ANK3: variants seen among roughly 807,000 people sequenced by gnomAD.
The protein encoded by ANK3 is ankyrin-3.
A neutral mutation model predicts 370.9 loss-of-function variants in ANK3; 57 were observed. That is an observed-to-expected ratio of 0.15 (90% CI 0.12 to 0.19). The LOEUF is 0.19. ANK3 is among the 10% of genes least tolerant of loss of function. ANK3 has a pLI of 1.00. For synonymous variants in ANK3, 1,929 were observed against 1,946.3 expected, an observed-to-expected ratio of 0.99 and a Z score of 0.23; for missense variants, 4,439 against 5,302.1, an observed-to-expected ratio of 0.84 and a Z score of 5.06.
chr10:60,282,176 T>C (rs2098173062), intron 1 of ANK3, among the ~76,000 whole-genome samples: 1 of 152,154 alleles, frequency 6.6e-6, no homozygotes, highest in African/African-American at 2.4e-5. Context: ...TGCCTGGATA[T>C]TTCAACTGCC....
intron 17 of ANK3, among the ~76,000 whole-genome samples, chr10:60,182,695 A>T (rs1418176074): frequency 1.3e-5 from 2 of 152,152 alleles, no homozygotes; most frequent in African/African-American, 2.4e-5. Context: ...AACATTATTT[A>T]TTCAGGGGTT....
At chr10:60,543,320 C>T (rs1207335617) in intron 2 of ANK3, among the ~76,000 whole-genome samples, 1 of 151,930 alleles carries the variant, frequency 6.6e-6, no homozygotes, top group Non-Finnish European at 1.5e-5. Flanking sequence ...ATGTATACCA[C>T]AGAAACATTG....
chr10:60,351,465 A>G (rs1255443471), intron 1 of ANK3, among the ~76,000 whole-genome samples: 1 of 152,216 alleles, frequency 6.6e-6, no homozygotes, highest in Non-Finnish European at 1.5e-5. Flanking sequence ...CAAGTCTAGA[A>G]TTATTCACTT....
chr10:60,513,581 G>C (rs913907236), intron 2 of ANK3, among the ~76,000 whole-genome samples: 21 of 152,140 alleles, frequency 1.4e-4, no homozygotes, highest in African/African-American at 4.8e-4. Context: ...GAAAAGGTTG[G>C]TAAAATATGA....
chr10:60,467,028 T>G lies in ANK3; in HGVS notation c.96+148158A>C, dbSNP rs141618736. On this transcript the variant is annotated intron_variant, in intron 2 of 43. Coordinates refer to the ANK3 transcript ENST00000373827. Reference sequence around the variant, plus strand: ...CGGTGACACAACTCTGTAAACATACTAAAAACCACTGAATTGTATATTTTA... The same window carrying G: ...CGGTGACACAACTCTGTAAACATACGAAAAACCACTGAATTGTATATTTTA... 4.0e-3 allele frequency among the ~76,000 whole-genome samples: 614 copies of G among 152,222 alleles called. 5 individuals are homozygous for G. The highest frequency in any genetic ancestry group is 0.014 in the African/African-American group (571 of 41,552).
At chr10:60,049,591 A>C (rs899658924) in intron 42 of ANK3, among the ~76,000 whole-genome samples, 1 of 152,200 alleles carries the variant, frequency 6.6e-6, no homozygotes, top group African/African-American at 2.4e-5. Context: ...GTCTCAAAAA[A>C]AAAGTATTTG....
chr10:60,111,718 A>G (rs1248511750), intron 26 of ANK3: 2 of 453,778 alleles, frequency 4.4e-6, no homozygotes, highest in Admixed American at 4.7e-5. Context: ...GTTCACATAA[A>G]GGACACAGTT....
At position 60,179,997 on chromosome 10, in the gene ANK3, G is replaced by GTC. The variant is rs745311675; in HGVS notation, c.2184+1330_2184+1331dup. On this transcript the variant is annotated intron_variant, in intron 18 of 43. Coordinates refer to ENST00000280772, the MANE Select transcript of ANK3 (RefSeq NM_020987.5). ...AGAACCTAAGAAAGTGTTTAAGTCT[G>GTC]TCTCTCTCTCTCTCTGTGTGTGAAT... Among the ~76,000 whole-genome samples the GTC allele has an allele frequency of 4.4e-3, 667 of 150,376 alleles. 2 individuals carry two copies. The highest frequency in any genetic ancestry group is 6.6e-3 in the Non-Finnish European group (445 of 67,780).
chr10:60,580,227 A>G (rs1370574417), intron 2 of ANK3, among the ~76,000 whole-genome samples: 1 of 152,234 alleles, frequency 6.6e-6, no homozygotes, highest in Non-Finnish European at 1.5e-5. Flanking sequence ...ATCAATGAGG[A>G]TGGACTTATT....
At chr10:60,142,973 T>C (rs1446021299) in intron 23 of ANK3, among the ~76,000 whole-genome samples, 1 of 152,160 alleles carries the variant, frequency 6.6e-6, no homozygotes, top group African/African-American at 2.4e-5. Flanking sequence ...GGGTAATAAG[T>C]CTGCCTCTAC....
At chr10:60,286,393 T>G (rs538115505) in intron 1 of ANK3, among the ~76,000 whole-genome samples, 1 of 152,298 alleles carries the variant, frequency 6.6e-6, no homozygotes, top group South Asian at 2.1e-4. Context: ...TTTCTTAGAG[T>G]CATCCATGTT....
At chr10:60,583,634 G>T (rs2077789657) in intron 2 of ANK3, among the ~76,000 whole-genome samples, 1 of 151,356 alleles carries the variant, frequency 6.6e-6, no homozygotes, top group African/African-American at 2.4e-5. Context: ...TGTCACCCAG[G>T]TTGCAGTGGC....
chr10:60,360,678 T>C (rs2132733542), intron 1 of ANK3, among the ~76,000 whole-genome samples: 1 of 152,224 alleles, frequency 6.6e-6, no homozygotes, highest in South Asian at 2.1e-4. Flanking sequence ...CCAGCCTGGG[T>C]GACAGTGAGA....
intron 1 of ANK3, 80 bp downstream of exon 1, chr10:60,389,345 T>C: frequency 1.5e-6 from 2 of 1,354,600 alleles, no homozygotes; most frequent in Non-Finnish European, 2.1e-6. Context: ...AAATAACCCT[T>C]AATGCTTCTA....
chr10:60,497,283 G>A (rs1003589943), intron 2 of ANK3, among the ~76,000 whole-genome samples: 1 of 152,098 alleles, frequency 6.6e-6, no homozygotes, highest in Non-Finnish European at 1.5e-5. Context: ...GTGAGACCCT[G>A]TCTTTAAAAA....
intron 1 of ANK3, among the ~76,000 whole-genome samples, chr10:60,709,536 C>T (rs926886800): frequency 6.6e-6 from 1 of 151,980 alleles, no homozygotes; most frequent in Non-Finnish European, 1.5e-5. Context: ...TATATTCTTA[C>T]AGTAAGATAG....
intron 2 of ANK3, among the ~76,000 whole-genome samples, chr10:60,397,049 A>T (rs553326214): frequency 1.2e-4 from 18 of 152,290 alleles, no homozygotes; most frequent in African/African-American, 4.3e-4. Flanking sequence ...AGGAGATTGT[A>T]TTTGAAGATT....
intron 2 of ANK3, among the ~76,000 whole-genome samples, chr10:60,602,195 T>C (rs1326891668): frequency 6.6e-6 from 1 of 152,174 alleles, no homozygotes; most frequent in African/African-American, 2.4e-5. Context: ...TGCAGAAGAC[T>C]TTCAGTTTGA....
At chr10:60,161,016 C>T (rs910199542) in intron 23 of ANK3, among the ~76,000 whole-genome samples, 1 of 152,112 alleles carries the variant, frequency 6.6e-6, no homozygotes, top group East Asian at 1.9e-4. Context: ...CTTCATTCAA[C>T]ATAGTACTAG....
Sources: allele counts gnomAD v4.1 joint callset (sites outside exome capture counted in the v4.1 genomes callset), GRCh38; gene constraint gnomAD v4.1.1; transcripts MANE v1.5; gene names NCBI Gene and HGNC (gene_info 2026-07-23, HGNC 2026-07-21).